FSTL5: variants seen among roughly 807,000 people sequenced by gnomAD.
FSTL5 encodes the protein follistatin like 5.
In FSTL5, 62 loss-of-function variants were observed where a neutral mutation model predicts 89.1. The observed-to-expected ratio is 0.70, with a 90% CI of 0.57 to 0.86. The LOEUF is 0.86. Among genes scored for constraint, FSTL5 ranks in the 40% least tolerant of loss-of-function variants. The pLI, the probability that FSTL5 is intolerant of heterozygous loss-of-function variation, is 0.00. For missense variants in FSTL5, 1,057 were observed against 1,001.6 expected (o/e 1.06, Z -0.75); for synonymous variants, 383 against 346.2 (o/e 1.11, Z -1.18).
chr4:161,999,257 G>A (rs1039396521), intron 3 of FSTL5, among the ~76,000 whole-genome samples: 1 of 152,150 alleles, frequency 6.6e-6, no homozygotes, highest in African/African-American at 2.4e-5. Context: ...CTCTGATTAT[G>A]TGGATAAATG....
intron 7 of FSTL5, among the ~76,000 whole-genome samples, chr4:161,607,487 G>T (rs112335419): frequency 7.2e-5 from 11 of 151,976 alleles, no homozygotes; most frequent in African/African-American, 2.7e-4. Flanking sequence ...CTGTTTCTGC[G>T]ATAAAAATAG....
chr4:161,667,240 A>G (rs990457736), intron 6 of FSTL5, among the ~76,000 whole-genome samples: 1 of 152,202 alleles, frequency 6.6e-6, no homozygotes, highest in Admixed American at 6.5e-5. Context: ...TGAATTTTAA[A>G]CTAAAATAAT....
chr4:161,444,990 G>A (rs1311559290), intron 15 of FSTL5, among the ~76,000 whole-genome samples: 1 of 151,924 alleles, frequency 6.6e-6, no homozygotes, highest in African/African-American at 2.4e-5. Context: ...CATAGAGTAA[G>A]TACTCAATGT....
intron 11 of FSTL5, among the ~76,000 whole-genome samples, chr4:161,501,503 A>T (rs1730292696): frequency 6.6e-6 from 1 of 152,016 alleles, no homozygotes; most frequent in South Asian, 2.1e-4. Flanking sequence ...GTGTGCATAC[A>T]ATTTTTCTTT....
intron 2 of FSTL5, chr4:162,043,040 T>C (rs1738030782): frequency 6.6e-6 from 1 of 151,920 alleles, no homozygotes; most frequent in East Asian, 1.9e-4. Context: ...GGCACATGTA[T>C]ACATATGTAA....
intron 4 of FSTL5, among the ~76,000 whole-genome samples, chr4:161,909,244 TAG>T (rs1293928029): frequency 6.6e-6 from 1 of 152,166 alleles, no homozygotes; most frequent in Non-Finnish European, 1.5e-5. Context: ...CTGTGGATCC[TAG>T]AGTCTCTACA....
intron 3 of FSTL5, among the ~76,000 whole-genome samples, chr4:161,994,666 G>C (rs1736236499): frequency 6.6e-6 from 1 of 152,164 alleles, no homozygotes; most frequent in African/African-American, 2.4e-5. Flanking sequence ...CTTGTTGGCA[G>C]CAAGTGTGTC....
At chr4:161,821,490 C>A (rs974094550) in intron 4 of FSTL5, among the ~76,000 whole-genome samples, 13 of 152,168 alleles carry the variant, frequency 8.5e-5, no homozygotes, top group African/African-American at 2.9e-4. Flanking sequence ...TGAATAAGTT[C>A]TTTAGTGAGA....
At chr4:161,603,746 GAGACAGA>G (rs1734336021) in intron 7 of FSTL5, among the ~76,000 whole-genome samples, 1 of 152,084 alleles carries the variant, frequency 6.6e-6, no homozygotes, top group Non-Finnish European at 1.5e-5. Context: ...TCATGTTCGA[GAGACAGA>G]ACGTCTCCGA....
At chr4:161,507,583 C>G (rs1291959013) in intron 11 of FSTL5, among the ~76,000 whole-genome samples, 2 of 151,588 alleles carry the variant, frequency 1.3e-5, no homozygotes. Flanking sequence ...TATTTGTCAA[C>G]AAATAAGTGA....
intron 15 of FSTL5, among the ~76,000 whole-genome samples, chr4:161,438,519 C>A (rs72616787): frequency 0.068 from 10,296 of 152,016 alleles, 530 homozygotes; most frequent in East Asian, 0.27. Context: ...TTAAAAAAAG[C>A]TGCCCAGTTA....
chr4:162,101,852 A>G (rs970945923), intron 2 of FSTL5, among the ~76,000 whole-genome samples: 50 of 152,326 alleles, frequency 3.3e-4, no homozygotes, highest in African/African-American at 1.2e-3. Context: ...TGCAGAAAAT[A>G]ACTTATAATT....
intron 3 of FSTL5, among the ~76,000 whole-genome samples, chr4:161,936,468 G>A (rs1734436528): frequency 6.6e-6 from 1 of 152,088 alleles, no homozygotes; most frequent in South Asian, 2.1e-4. Context: ...ACAAAATATT[G>A]GAATCTTGTA....
chr4:161,950,507 G>C (rs1011376015), intron 3 of FSTL5, among the ~76,000 whole-genome samples: 2 of 152,136 alleles, frequency 1.3e-5, no homozygotes, highest in African/African-American at 4.8e-5. Context: ...ACTCTGGAAA[G>C]TACCAGGTGC....
intron 12 of FSTL5, among the ~76,000 whole-genome samples, chr4:161,482,171 C>A (rs1413148819): frequency 6.6e-6 from 1 of 152,002 alleles, no homozygotes. Flanking sequence ...AAAAAATTAG[C>A]TGGGCGTGGT....
At chr4:161,697,309 G>A (rs1253673552) in intron 6 of FSTL5, among the ~76,000 whole-genome samples, 1 of 152,088 alleles carries the variant, frequency 6.6e-6, no homozygotes, top group Non-Finnish European at 1.5e-5. Flanking sequence ...CTAGACTCTG[G>A]AGCTGTGAGA....
intron 4 of FSTL5, among the ~76,000 whole-genome samples, chr4:161,879,138 T>C (rs1173062428): frequency 6.6e-6 from 1 of 152,196 alleles, no homozygotes. Context: ...TCTGGAACCT[T>C]GGTGATATTA....
At chr4:161,621,746 C>A (rs1735132529) in intron 7 of FSTL5, among the ~76,000 whole-genome samples, 1 of 151,122 alleles carries the variant, frequency 6.6e-6, no homozygotes, top group Non-Finnish European at 1.5e-5. Context: ...GGGAGGGAGG[C>A]CAAGGCCAGT....
intron 3 of FSTL5, among the ~76,000 whole-genome samples, chr4:161,980,289 GA>G (rs1735788807): frequency 2.4e-5 from 3 of 123,842 alleles, no homozygotes; most frequent in Non-Finnish European, 3.5e-5. Context: ...AAGAAAGAAA[GA>G]GAAAGAAAGA....
Sources: allele counts gnomAD v4.1 joint callset (sites outside exome capture counted in the v4.1 genomes callset), GRCh38; gene constraint gnomAD v4.1.1; transcripts MANE v1.5; gene names NCBI Gene and HGNC (gene_info 2026-07-23, HGNC 2026-07-21).